BTBD10: variants seen among roughly 807,000 people sequenced by gnomAD.
The protein encoded by BTBD10 is BTB/POZ domain-containing protein 10.
BTBD10 carries 21 observed loss-of-function variants against 53.2 expected under a neutral mutation model. The observed-to-expected ratio is 0.39, with a 90% CI of 0.28 to 0.57. The LOEUF (loss-of-function observed/expected upper bound fraction) is 0.57. Ranked by LOEUF, BTBD10 falls within the 20% of genes least tolerant of loss-of-function variation. BTBD10 has a pLI of 0.53. For missense variants in BTBD10, 360 were observed against 594.7 expected (o/e 0.61, Z 4.10); for synonymous variants, 149 against 192.7 (o/e 0.77, Z 1.88).
At chr11:13,401,292 T>G (rs1949712283) in intron 8 of BTBD10, among the ~76,000 whole-genome samples, 2 of 152,136 alleles carry the variant, frequency 1.3e-5, no homozygotes, top group South Asian at 4.1e-4. Context: ...TGCTATTATC[T>G]CCCTGTGACA....
chr11:13,439,628 T>C (rs1352698252), intron 2 of BTBD10, among the ~76,000 whole-genome samples: 5 of 152,102 alleles, frequency 3.3e-5, no homozygotes, highest in African/African-American at 1.2e-4. Context: ...TAAAAAACAG[T>C]ACCAAACACA....
At chr11:13,393,611 GAA>G (rs1021055227) in intron 8 of BTBD10, among the ~76,000 whole-genome samples, 2 of 152,038 alleles carry the variant, frequency 1.3e-5, no homozygotes, top group African/African-American at 4.8e-5. Flanking sequence ...AGTGGAGAAA[GAA>G]AAGAGTGCTT....
At chr11:13,436,779 A>G (rs1170981045) in intron 2 of BTBD10, among the ~76,000 whole-genome samples, 1 of 140,468 alleles carries the variant, frequency 7.1e-6, no homozygotes, top group Admixed American at 7.4e-5. Context: ...GAGCTGTCAC[A>G]AGATTTCTCT....
chr11:13,449,935 A>G (rs1352364919), intron 1 of BTBD10, among the ~76,000 whole-genome samples: 5 of 152,228 alleles, frequency 3.3e-5, no homozygotes, highest in African/African-American at 1.2e-4. Flanking sequence ...CAATGGGGAT[A>G]AAGTTTCCAA....
At position 13,456,401 on chromosome 11, in the gene BTBD10, C is replaced by T. The variant is rs540532417; in HGVS notation, c.-58+6691G>A. On this transcript the variant is annotated intron_variant, in intron 1 of 8. Coordinates refer to ENST00000278174, the MANE Select transcript of BTBD10 (RefSeq NM_032320.7). ...ATTCAGGAAAACATGAAACTGAATTCGTACCTCATACCACATACAAGGATA... is the reference window on the plus strand; with the variant it reads ...ATTCAGGAAAACATGAAACTGAATTTGTACCTCATACCACATACAAGGATA... 5.3e-5 allele frequency among the ~76,000 whole-genome samples: 8 copies of T among 152,144 alleles called. No homozygotes were observed. In the South Asian group the frequency reaches 1.0e-3, roughly 20 times the overall value.
chr11:13,421,970 A>C, intron 2 of BTBD10, 132 bp from the exon 3 acceptor site: 1 of 691,080 alleles, frequency 1.4e-6, no homozygotes, highest in Non-Finnish European at 2.2e-6. Flanking sequence ...CTAATTCTGA[A>C]ACCTAATTTA....
intron 6 of BTBD10, among the ~76,000 whole-genome samples, chr11:13,408,620 T>C (rs1476744098): frequency 2.0e-5 from 3 of 152,198 alleles, no homozygotes; most frequent in Admixed American, 2.0e-4. Flanking sequence ...TTTTAGATTT[T>C]TGCTCCTCAT....
At chr11:13,433,789 T>C (rs905998443) in intron 2 of BTBD10, among the ~76,000 whole-genome samples, 3 of 152,218 alleles carry the variant, frequency 2.0e-5, no homozygotes, top group Admixed American at 6.5e-5. Flanking sequence ...TCCAGCCCTA[T>C]ACAGAAAAAG....
intron 2 of BTBD10, among the ~76,000 whole-genome samples, chr11:13,430,108 C>CA (rs1281902351): frequency 9.2e-5 from 14 of 151,510 alleles, no homozygotes; most frequent in African/African-American, 2.2e-4. Flanking sequence ...GACACTGTTT[C>CA]AAAAAAATAA....
intron 1 of BTBD10, among the ~76,000 whole-genome samples, chr11:13,458,851 T>G (rs1951027256): frequency 6.6e-6 from 1 of 152,092 alleles, no homozygotes; most frequent in Non-Finnish European, 1.5e-5. Context: ...CTTGCTTTCT[T>G]GATGTGAGAA....
At chr11:13,421,548 T>G (rs1231735822) in intron 3 of BTBD10, 94 bp downstream of exon 3, 2 of 1,092,132 alleles carry the variant, frequency 1.8e-6, no homozygotes, top group Non-Finnish European at 2.6e-6. Context: ...AATTTTACTC[T>G]GCAGTATTAG....
At chr11:13,461,832 G>C (rs1372535975) in intron 1 of BTBD10, among the ~76,000 whole-genome samples, 1 of 151,574 alleles carries the variant, frequency 6.6e-6, no homozygotes, top group African/African-American at 2.4e-5. Flanking sequence ...TTCCTACTTT[G>C]TATGTATTAA....
intron 8 of BTBD10, among the ~76,000 whole-genome samples, chr11:13,395,227 T>C (rs992396565): frequency 9.2e-5 from 14 of 151,868 alleles, no homozygotes; most frequent in South Asian, 2.1e-4. Flanking sequence ...TTTTTAATGA[T>C]TGCCATTCTA....
intron 8 of BTBD10, among the ~76,000 whole-genome samples, chr11:13,401,671 C>T (rs533039480): frequency 1.3e-5 from 2 of 152,194 alleles, no homozygotes; most frequent in Admixed American, 1.3e-4. Flanking sequence ...ATTTGATTAT[C>T]ACAACTATCC....
chr11:13,459,304 C>T (rs541549588), intron 1 of BTBD10, among the ~76,000 whole-genome samples: 21 of 151,874 alleles, frequency 1.4e-4, no homozygotes, highest in Non-Finnish European at 2.2e-4. Flanking sequence ...GTGATCCGCC[C>T]GCCTCGGCCT....
chr11:13,388,927 A>G lies in BTBD10; in HGVS notation c.1332T>C (p.His444=). 6.2e-7 allele frequency: 1 copy of G among 1,614,196 alleles called. No individual in the cohort carries two copies. Among genetic ancestry groups the G allele is most frequent in the African/African-American group, 1.3e-5 (1 of 75,048 alleles). The change falls in exon 9 of 9, where the codon CAT becomes CAC. Residue 444 remains histidine (H), a synonymous_variant. Coordinates refer to ENST00000278174, the MANE Select transcript of BTBD10 (RefSeq NM_032320.7). The stretch of plus-strand genomic sequence containing the variant: ...CCAGCTCATCCACTTGTGGAGTTGG[A>G]TGCATGACTACCAGCTGGTCCTGGG... ...DIPQDQLVVM[H]PTPQVDELDI...
At chr11:13,418,318 G>A (rs1448662706) in intron 4 of BTBD10, among the ~76,000 whole-genome samples, 1 of 151,970 alleles carries the variant, frequency 6.6e-6, no homozygotes, top group African/African-American at 2.4e-5. Context: ...ACTCTTTCAG[G>A]AATCAAATGT....
chr11:13,448,482 T>C (rs1404810698), intron 1 of BTBD10, among the ~76,000 whole-genome samples: 1 of 152,194 alleles, frequency 6.6e-6, no homozygotes, highest in Non-Finnish European at 1.5e-5. Flanking sequence ...ACTTCAATAG[T>C]CAGTCTCATC....
In BTBD10 at chr11:13,405,749, G is replaced by A. The variant is rs1949808455; in HGVS notation, c.916C>T (p.Arg306Trp). The A allele has an allele frequency of 3.7e-6, 6 of 1,613,598 alleles. No homozygotes were observed. Among genetic ancestry groups the A allele is most frequent in the Non-Finnish European group, 4.2e-6 (5 of 1,179,730 alleles). ...LMVASAQSGE[R>W]ECHIVVLTDD... The stretch of plus-strand genomic sequence containing the variant: ...GTAAGCACCACTATATGACATTCCC[G>A]TTCCCCACTCTGGGCACTAGCTACC... Residue 306 changes from arginine (R) to tryptophan (W), a missense_variant, in exon 7 of 9, where the codon CGG (arginine) becomes TGG (tryptophan). Arg to Trp is a moderately radical substitution (Grantham distance 101). Transcript: ENST00000278174.
Sources: gnomAD v4.1 joint callset for allele counts (sites outside exome capture counted in the v4.1 genomes callset) on GRCh38, gnomAD v4.1.1 for gene constraint, MANE v1.5 for transcripts, NCBI Gene and HGNC (gene_info 2026-07-23, HGNC 2026-07-21) for gene names.